The following RAD51B variants were observed in gnomAD, a reference collection of about 807,000 sequenced individuals.
RAD51B encodes the protein RAD51 paralog B, also known as DNA repair protein RAD51 homolog 2.
A neutral mutation model predicts 42.2 loss-of-function variants in RAD51B; 38 were observed. The ratio of observed to expected loss-of-function variants is 0.90; its 90% CI spans 0.70 to 1.18. The LOEUF (loss-of-function observed/expected upper bound fraction) is 1.18, where lower values mean the gene tolerates loss of function less well. Ranked by LOEUF, RAD51B falls within the 50% of genes most tolerant of loss-of-function variation. The probability of loss-of-function intolerance (pLI) is 0.00; values close to 1 mark genes in which losing one functional copy is unlikely to be tolerated. For synonymous variants in RAD51B, 154 were observed against 145.2 expected (o/e 1.06, Z -0.43); for missense variants, 373 against 400.7 (o/e 0.93, Z 0.59).
At chr14:68,432,382 G>A (rs1034269969) in intron 9 of RAD51B, among the ~76,000 whole-genome samples, 11 of 152,136 alleles carry the variant, frequency 7.2e-5, no homozygotes, top group African/African-American at 2.2e-4. Context: ...TTGTGTGGGC[G>A]TCTAAGTCCC....
intron 10 of RAD51B, among the ~76,000 whole-genome samples, chr14:68,606,510 G>C (rs1014965111): frequency 6.6e-6 from 1 of 152,088 alleles, no homozygotes; most frequent in African/African-American, 2.4e-5. Context: ...TCATTATGTT[G>C]ACTTTTTTTC....
At chr14:67,950,537 GTCT>G (rs759630983) in intron 7 of RAD51B, among the ~76,000 whole-genome samples, 4 of 152,240 alleles carry the variant, frequency 2.6e-5, no homozygotes, top group Admixed American at 6.5e-5. Flanking sequence ...CAGACATTTG[GTCT>G]TCTTATCAGC....
At chr14:68,331,025 G>C (rs1211754235) in intron 8 of RAD51B, among the ~76,000 whole-genome samples, 3 of 152,082 alleles carry the variant, frequency 2.0e-5, no homozygotes, top group African/African-American at 7.2e-5. Flanking sequence ...TTAAAATATA[G>C]TTTTAAAAAC....
intron 10 of RAD51B, among the ~76,000 whole-genome samples, chr14:68,549,323 T>C (rs1566934460): frequency 6.6e-6 from 1 of 150,902 alleles, no homozygotes; most frequent in Admixed American, 6.6e-5. Flanking sequence ...ATTTGACCAG[T>C]GAGGAGTGGC....
chr14:67,937,060 T>C (rs956580428), intron 7 of RAD51B, among the ~76,000 whole-genome samples: 2 of 152,230 alleles, frequency 1.3e-5, no homozygotes, highest in African/African-American at 4.8e-5. Flanking sequence ...AGCAGAAATA[T>C]GTTATATACA....
chr14:68,451,489 T>A (rs2085556639), intron 9 of RAD51B, among the ~76,000 whole-genome samples: 1 of 152,194 alleles, frequency 6.6e-6, no homozygotes, highest in East Asian at 1.9e-4. Context: ...AAGTTCTAGC[T>A]CTCCTCCATC....
intron 7 of RAD51B, among the ~76,000 whole-genome samples, chr14:68,147,872 T>A (rs1382600819): frequency 1.3e-5 from 2 of 152,058 alleles, no homozygotes; most frequent in Admixed American, 6.6e-5. Context: ...TTAGTCCAAT[T>A]TGATGTTTTA....
At chr14:67,957,931 A>T (rs1466548560) in intron 7 of RAD51B, among the ~76,000 whole-genome samples, 1 of 152,214 alleles carries the variant, frequency 6.6e-6, no homozygotes, top group Non-Finnish European at 1.5e-5. Context: ...TCAGAGAGAG[A>T]GTAGGATCAG....
intron 7 of RAD51B, among the ~76,000 whole-genome samples, chr14:68,162,017 C>CA (rs1443531742): frequency 6.6e-6 from 1 of 152,190 alleles, no homozygotes; most frequent in African/African-American, 2.4e-5. Context: ...TTCCTCACAA[C>CA]AAAGAATTAC....
intron 7 of RAD51B, among the ~76,000 whole-genome samples, chr14:67,994,758 T>G (rs570724446): frequency 4.1e-4 from 62 of 152,246 alleles, no homozygotes; most frequent in Non-Finnish European, 5.1e-4. Flanking sequence ...GATGATTTTC[T>G]CTAGCATTTC....
intron 10 of RAD51B, among the ~76,000 whole-genome samples, chr14:68,498,230 C>A (rs139623992): frequency 6.6e-6 from 1 of 152,292 alleles, no homozygotes; most frequent in African/African-American, 2.4e-5. Flanking sequence ...TCATAGTCTC[C>A]ACGTGAAGAC....
intron 10 of RAD51B, among the ~76,000 whole-genome samples, chr14:68,520,008 G>A (rs1293711280): frequency 6.6e-6 from 1 of 152,224 alleles, no homozygotes; most frequent in African/African-American, 2.4e-5. Context: ...GCACCTGCCT[G>A]AGGGAGTGGT....
chr14:68,391,172 T>TTCTTTCTC (rs1226501809), intron 8 of RAD51B, among the ~76,000 whole-genome samples: 1 of 151,808 alleles, frequency 6.6e-6, no homozygotes, highest in East Asian at 1.9e-4. Context: ...CTTTCTTTCT[T>TTCTTTCTC]TCTTTCTTTC....
intron 8 of RAD51B, among the ~76,000 whole-genome samples, chr14:68,324,911 C>G (rs977723267): frequency 2.0e-5 from 3 of 152,228 alleles, no homozygotes; most frequent in African/African-American, 7.2e-5. Context: ...ATCCCCTCCC[C>G]TAGCATTTAT....
chr14:67,911,837 C>G (rs1295695049), intron 7 of RAD51B, among the ~76,000 whole-genome samples: 1 of 152,146 alleles, frequency 6.6e-6, no homozygotes, highest in East Asian at 1.9e-4. Flanking sequence ...ATTCCTATTT[C>G]AACTAGATAG....
chr14:68,484,444 G>A (rs1243120988), intron 10 of RAD51B, among the ~76,000 whole-genome samples: 4 of 144,526 alleles, frequency 2.8e-5, no homozygotes, highest in Non-Finnish European at 1.5e-5. Flanking sequence ...TGCAACCTCC[G>A]CCTTCCGGGT....
chr14:67,893,482 ACACACACACACACAC>A (rs2043284461), intron 7 of RAD51B, among the ~76,000 whole-genome samples: 1 of 66,006 alleles, frequency 1.5e-5, no homozygotes, highest in Non-Finnish European at 3.1e-5. Flanking sequence ...ACACACACAC[ACACACACACACACAC>A]ACACACACAC....
At chr14:67,962,687 GA>G (rs897306173) in intron 7 of RAD51B, among the ~76,000 whole-genome samples, 87 of 152,210 alleles carry the variant, frequency 5.7e-4, no homozygotes, top group Middle Eastern at 6.8e-3. Context: ...AGACCTTTCT[GA>G]AAAAGAACTA....
At chr14:68,575,719 G>GC (rs1344524196) in intron 10 of RAD51B, among the ~76,000 whole-genome samples, 3 of 152,322 alleles carry the variant, frequency 2.0e-5, no homozygotes, top group African/African-American at 7.2e-5. Flanking sequence ...CCAGGCTCAT[G>GC]CCCCAGTTGG....
Sources: gnomAD v4.1 joint callset for allele counts (sites outside exome capture counted in the v4.1 genomes callset) on GRCh38, gnomAD v4.1.1 for gene constraint, MANE v1.5 for transcripts, NCBI Gene and HGNC (gene_info 2026-07-23, HGNC 2026-07-21) for gene names.